The following PLPPR5 variants were observed in gnomAD, a reference collection of about 807,000 sequenced individuals.
The protein encoded by PLPPR5 is phospholipid phosphatase-related protein type 5.
A neutral mutation model predicts 33.9 loss-of-function variants in PLPPR5; 16 were observed. The ratio of observed to expected loss-of-function variants is 0.47; its 90% confidence interval spans 0.32 to 0.72. The LOEUF (loss-of-function observed/expected upper bound fraction) is 0.72. PLPPR5 is among the 30% of genes least tolerant of loss of function. PLPPR5 has a pLI of 0.03. For synonymous variants in PLPPR5, 163 were observed against 150.3 expected (o/e 1.08, Z -0.62); for missense variants, 301 against 406.7 (o/e 0.74, Z 2.23).
At chr1:98,957,852 A>G (rs761467628) in intron 1 of PLPPR5, among the ~76,000 whole-genome samples, 1 of 152,180 alleles carries the variant, frequency 6.6e-6, no homozygotes, top group Non-Finnish European at 1.5e-5. Context: ...GCTTTGCTCT[A>G]CTCTGTTGAC....
chr1:98,898,643 C>A (rs533234378), intron 5 of PLPPR5, among the ~76,000 whole-genome samples: 1 of 152,196 alleles, frequency 6.6e-6, no homozygotes, highest in East Asian at 1.9e-4. Flanking sequence ...AGCTGTAAAA[C>A]TGATTCTAAA....
intron 1 of PLPPR5, among the ~76,000 whole-genome samples, chr1:98,968,136 A>C (rs1489494300): frequency 6.6e-6 from 1 of 152,158 alleles, no homozygotes; most frequent in Non-Finnish European, 1.5e-5. Flanking sequence ...CATGATGTTT[A>C]TGCTTTGCCA....
intron 3 of PLPPR5, among the ~76,000 whole-genome samples, chr1:98,940,886 C>T (rs753660094): frequency 1.3e-5 from 2 of 151,820 alleles, no homozygotes; most frequent in East Asian, 1.9e-4. Context: ...GCTTGGGTAA[C>T]GAGGGTAGGA....
intron 1 of PLPPR5, among the ~76,000 whole-genome samples, chr1:98,999,315 C>A (rs1429362823): frequency 2.6e-5 from 4 of 152,120 alleles, no homozygotes; most frequent in African/African-American, 4.8e-5. Flanking sequence ...TCCTGTGAGG[C>A]CAGTACTTAT....
At chr1:98,949,107 A>C (rs1212368382) in intron 3 of PLPPR5, among the ~76,000 whole-genome samples, 2 of 152,188 alleles carry the variant, frequency 1.3e-5, no homozygotes, top group South Asian at 4.1e-4. Flanking sequence ...AATTGAAAAA[A>C]ACTTTACCCA....
At chr1:98,924,160 C>T (rs546356812) in intron 3 of PLPPR5, among the ~76,000 whole-genome samples, 2 of 152,114 alleles carry the variant, frequency 1.3e-5, no homozygotes, top group Non-Finnish European at 2.9e-5. Context: ...TTGCTCTTCA[C>T]GGCAATGTTC....
intron 5 of PLPPR5, among the ~76,000 whole-genome samples, chr1:98,910,837 T>C (rs1649116029): frequency 6.6e-6 from 1 of 150,620 alleles, no homozygotes. Flanking sequence ...GCCATGCAGA[T>C]ATGGGGAGAA....
intron 1 of PLPPR5, among the ~76,000 whole-genome samples, chr1:99,002,966 T>C (rs1225169275): frequency 6.7e-6 from 1 of 150,090 alleles, no homozygotes; most frequent in Non-Finnish European, 1.5e-5. Flanking sequence ...CCTTTTTTTT[T>C]TTCTCTGCCA....
At chr1:99,000,764 T>A (rs1244375266) in intron 1 of PLPPR5, among the ~76,000 whole-genome samples, 3 of 152,228 alleles carry the variant, frequency 2.0e-5, no homozygotes, top group Non-Finnish European at 2.9e-5. Context: ...TACATACATA[T>A]GTATAACTTC....
At chr1:98,912,434 T>C (rs1649187588) in intron 5 of PLPPR5, among the ~76,000 whole-genome samples, 1 of 152,202 alleles carries the variant, frequency 6.6e-6, no homozygotes, top group Admixed American at 6.5e-5. Flanking sequence ...GACTACAGGA[T>C]AGATTGGTCA....
In PLPPR5 at chr1:98,922,018, A is replaced by G; in HGVS notation, c.662T>C (p.Leu221Pro). 6.2e-7 allele frequency: 1 copy of G among 1,613,720 alleles called. No homozygotes were observed. The highest frequency in any genetic ancestry group is 8.5e-7 in the Non-Finnish European group (1 of 1,179,952). ...TNTIKAKGTR[L>P]AKPVLCLGLM... ...GCCCAAGCATAGAACTGGCTTAGCA[A>G]GTCTGGTTCCCTTGGCTTTGATTGT... is the stretch of plus-strand genomic sequence containing the variant. The change falls in exon 4 of 6, where the codon CTT (leucine) becomes CCT (proline). Residue 221 changes from leucine (L) to proline (P), a missense_variant. Coordinates refer to ENST00000263177, the MANE Select transcript of PLPPR5 (RefSeq NM_001037317.2).
upstream of PLPPR5, chr1:99,005,177 A>AG (rs1653041882): frequency 6.8e-6 from 1 of 146,240 alleles, no homozygotes; most frequent in East Asian, 2.1e-4. Flanking sequence ...AAAGGGGGGG[A>AG]GGGGAGGCAG....
At chr1:98,911,602 A>G (rs757115176) in intron 5 of PLPPR5, among the ~76,000 whole-genome samples, 4 of 152,236 alleles carry the variant, frequency 2.6e-5, no homozygotes, top group Non-Finnish European at 4.4e-5. Flanking sequence ...AAGCTACCAA[A>G]AAACACTCAT....
At chr1:98,896,285 T>G (rs1264776909) in intron 5 of PLPPR5, among the ~76,000 whole-genome samples, 1 of 152,160 alleles carries the variant, frequency 6.6e-6, no homozygotes, top group Non-Finnish European at 1.5e-5. Flanking sequence ...GTGTTTAATA[T>G]TTTCAGATTG....
intron 3 of PLPPR5, among the ~76,000 whole-genome samples, chr1:98,938,285 A>C (rs1650244594): frequency 6.6e-6 from 1 of 151,976 alleles, no homozygotes; most frequent in Non-Finnish European, 1.5e-5. Flanking sequence ...TAAAATAATA[A>C]ACTAGTGTGA....
chr1:98,967,411 G>C (rs531744814), intron 1 of PLPPR5, among the ~76,000 whole-genome samples: 20 of 152,228 alleles, frequency 1.3e-4, no homozygotes, highest in African/African-American at 4.1e-4. Flanking sequence ...ATTTATGCAT[G>C]CATGTGCCAG....
chr1:98,941,843 A>T (rs1048992790), intron 3 of PLPPR5, among the ~76,000 whole-genome samples: 4 of 151,162 alleles, frequency 2.6e-5, no homozygotes, highest in African/African-American at 9.7e-5. Context: ...AAACAAACAA[A>T]TAGCTCAAAG....
At chr1:98,980,321 CCTT>C (rs1320461085) in intron 1 of PLPPR5, among the ~76,000 whole-genome samples, 3 of 152,066 alleles carry the variant, frequency 2.0e-5, no homozygotes, top group Admixed American at 6.6e-5. Flanking sequence ...CTTTCAAACT[CCTT>C]TAAGTTCTCT....
intron 2 of PLPPR5, 88 bp from the exon 3 acceptor site, chr1:98,953,408 CA>C: frequency 7.2e-7 from 1 of 1,397,854 alleles, no homozygotes; most frequent in Non-Finnish European, 9.5e-7. Flanking sequence ...TTTCAGTTTA[CA>C]ATAAACCAAA....
Sources: gnomAD v4.1 joint callset for allele counts (sites outside exome capture counted in the v4.1 genomes callset) on GRCh38, gnomAD v4.1.1 for gene constraint, MANE v1.5 for transcripts, NCBI Gene and HGNC (gene_info 2026-07-23, HGNC 2026-07-21) for gene names.